The following SCN10A variants were observed in gnomAD, a reference collection of about 807,000 sequenced individuals.
The protein encoded by SCN10A is sodium voltage-gated channel alpha subunit 10, also known as sodium channel protein type 10 subunit alpha.
In SCN10A, 162 loss-of-function variants were observed where a neutral mutation model predicts 170.7. That is an observed-to-expected ratio of 0.95 (90% CI 0.84 to 1.08). The LOEUF is 1.08. SCN10A is among the 50% of genes least tolerant of loss of function. SCN10A has a pLI of 0.00. For synonymous variants in SCN10A, 985 were observed against 904.6 expected (o/e 1.09, Z -1.59); for missense variants, 2,527 against 2,436.9 (o/e 1.04, Z -0.78).
intron 1 of SCN10A, among the ~76,000 whole-genome samples, chr3:38,806,901 A>T (rs1345775844): frequency 6.6e-6 from 1 of 152,178 alleles, no homozygotes; most frequent in Non-Finnish European, 1.5e-5. Flanking sequence ...GCTGCCCCAA[A>T]TAAAAGTTTT....
At chr3:38,801,993 CTCA>C (rs1396786238) in intron 1 of SCN10A, among the ~76,000 whole-genome samples, 1 of 152,152 alleles carries the variant, frequency 6.6e-6, no homozygotes, top group African/African-American at 2.4e-5. Context: ...CTTCCATGAT[CTCA>C]TCATCTTCCT....
At position 38,742,347 on chromosome 3, in the gene SCN10A, T is replaced by C. The variant is rs934256008; in HGVS notation, c.2050A>G (p.Met684Val). 1 of 1,614,048 alleles carries C rather than the reference T, an allele frequency of 6.2e-7. No individual in the cohort carries two copies. The highest frequency in any genetic ancestry group is 1.3e-5 in the African/African-American group (1 of 75,004). ...GTAGGGCTCATGCCATGGTGCTCCA[T>C]GGCCATGAAGATGGTGTTCACCACG... ...CIVVNTIFMA[M>V]EHHGMSPTFE... The change falls in exon 14 of 28, where the codon ATG (methionine) becomes GTG (valine). Residue 684 changes from methionine (M) to valine (V), a missense_variant. Met to Val is a conservative substitution (Grantham distance 21). Coordinates refer to ENST00000449082, the MANE Select transcript of SCN10A (RefSeq NM_006514.4).
intron 1 of SCN10A, among the ~76,000 whole-genome samples, chr3:38,797,034 C>A (rs888150437): frequency 6.6e-6 from 1 of 151,890 alleles, no homozygotes; most frequent in Non-Finnish European, 1.5e-5. Context: ...AAAAATGCAG[C>A]AAAAATCACA....
chr3:38,748,198 T>A (rs750913756), intron 13 of SCN10A, among the ~76,000 whole-genome samples: 2 of 152,132 alleles, frequency 1.3e-5, no homozygotes, highest in Non-Finnish European at 2.9e-5. Flanking sequence ...CCAAGAAACC[T>A]ATCTGGCCAA....
intron 1 of SCN10A, among the ~76,000 whole-genome samples, chr3:38,812,986 T>C (rs749218977): frequency 7.4e-4 from 113 of 152,178 alleles, no homozygotes; most frequent in Middle Eastern, 6.8e-3. Flanking sequence ...TGAGCTGAGA[T>C]TGTGCCACTG....
chr3:38,787,177 T>G (rs1264261379), intron 4 of SCN10A, among the ~76,000 whole-genome samples: 1 of 152,130 alleles, frequency 6.6e-6, no homozygotes, highest in Non-Finnish European at 1.5e-5. Flanking sequence ...CCCCACTGAT[T>G]TGGTTTTCTT....
At position 38,724,691 on chromosome 3, in the gene SCN10A, G is replaced by A. The variant is rs543559797; in HGVS notation, c.3228+483C>T. Reference sequence around the variant, plus strand: ...CCTCCAACTCTTATTTGCTGGCTCTGAAAGATATTTGACTTTCTTTGTGCG... The same window carrying A: ...CCTCCAACTCTTATTTGCTGGCTCTAAAAGATATTTGACTTTCTTTGTGCG... On this transcript the variant is annotated intron_variant, in intron 18 of 27. Coordinates refer to ENST00000449082, the MANE Select transcript of SCN10A (RefSeq NM_006514.4). Among the ~76,000 whole-genome samples, 5 of 152,322 alleles carry A rather than the reference G, an allele frequency of 3.3e-5. No homozygotes were observed. In the South Asian group the frequency reaches 1.0e-3, roughly 32 times the overall value.
At chr3:38,806,805 A>G (rs74878558) in intron 1 of SCN10A, among the ~76,000 whole-genome samples, 1 of 133,894 alleles carries the variant, frequency 7.5e-6, no homozygotes, top group African/African-American at 3.5e-5. Flanking sequence ...AACATGTGAG[A>G]TCATTTGCAA....
chr3:38,775,050 C>T (rs1043320250), intron 4 of SCN10A, among the ~76,000 whole-genome samples: 2 of 152,086 alleles, frequency 1.3e-5, no homozygotes, highest in African/African-American at 4.8e-5. Context: ...CAATTTAACA[C>T]CTTTCCTCTT....
intron 20 of SCN10A, among the ~76,000 whole-genome samples, chr3:38,722,032 G>T (rs1018890833): frequency 6.6e-6 from 1 of 152,214 alleles, no homozygotes; most frequent in African/African-American, 2.4e-5. Context: ...TCACTCAAAT[G>T]CTTGCAGCCA....
At chr3:38,718,153 G>C (rs2063351752) in intron 21 of SCN10A, among the ~76,000 whole-genome samples, 1 of 152,210 alleles carries the variant, frequency 6.6e-6, no homozygotes, top group Non-Finnish European at 1.5e-5. Context: ...ACAGGTGCCT[G>C]GGCACCACCC....
At chr3:38,765,007 C>T (rs917402292) in intron 5 of SCN10A, among the ~76,000 whole-genome samples, 1 of 151,978 alleles carries the variant, frequency 6.6e-6, no homozygotes, top group African/African-American at 2.4e-5. Flanking sequence ...TATATATCTT[C>T]TTTTGAGAAT....
chr3:38,798,946 G>A (rs1037742064), intron 1 of SCN10A, among the ~76,000 whole-genome samples: 2 of 151,730 alleles, frequency 1.3e-5, no homozygotes, highest in African/African-American at 2.4e-5. Context: ...GTGCCACCAC[G>A]CCTGGCTAAT....
rs753826066 is a variant in SCN10A, at chr3:38,742,421, A to T, written c.1976T>A (p.Phe659Tyr). Reference sequence around the variant, plus strand: ...TGCAAAGGGATCCGTCACAAGCCCAAAGAGAATTGTCTTGAGCTTCACCCA... The same window carrying T: ...TGCAAAGGGATCCGTCACAAGCCCATAGAGAATTGTCTTGAGCTTCACCCA... ...PMWVKLKTIL[F>Y]GLVTDPFAEL... The change falls in exon 14 of 28, where the codon TTT becomes TAT. Residue 659 changes from phenylalanine (F) to tyrosine (Y), a missense_variant. Transcript: ENST00000449082. The T allele has an allele frequency of 6.2e-7, 1 of 1,614,170 alleles. No individual in the cohort carries two copies. The highest frequency in any genetic ancestry group is 2.2e-5 in the East Asian group (1 of 44,862).
intron 5 of SCN10A, among the ~76,000 whole-genome samples, chr3:38,769,236 A>ATTCT (rs1553622937): frequency 8.7e-5 from 3 of 34,652 alleles, no homozygotes; most frequent in Non-Finnish European, 2.0e-4. Context: ...AGCCTTCTGA[A>ATTCT]TTCTTTTTTT....
In SCN10A at chr3:38,709,464, T is replaced by C. The variant is rs1418123738; in HGVS notation, c.4281+14A>G. ...CACTACAGCAGAAACCAGAAACTCC[T>C]GAGCACCACTTATCTTTTTTTTCTG... On this transcript the variant is annotated intron_variant, in intron 25 of 27. Transcript: ENST00000449082. 1 of 1,600,718 alleles carries C rather than the reference T, an allele frequency of 6.2e-7. No homozygotes were observed.
At chr3:38,739,771 AT>A in intron 14 of SCN10A, 83 bp from the exon 15 acceptor site, 1 of 1,118,978 alleles carries the variant, frequency 8.9e-7, no homozygotes. Context: ...AAAATGTCTT[AT>A]TTACAAAATA....
intron 1 of SCN10A, among the ~76,000 whole-genome samples, chr3:38,801,641 C>G (rs2064371013): frequency 6.6e-6 from 1 of 151,832 alleles, no homozygotes; most frequent in South Asian, 2.1e-4. Flanking sequence ...CTGAGAACAG[C>G]CTTTTTGTCC....
At chr3:38,716,376 G>A (rs1177276116) in intron 21 of SCN10A, among the ~76,000 whole-genome samples, 2 of 152,084 alleles carry the variant, frequency 1.3e-5, no homozygotes, top group African/African-American at 2.4e-5. Context: ...TCATGATAGT[G>A]AATAAGTTTC....
Sources: gnomAD v4.1 joint callset for allele counts (sites outside exome capture counted in the v4.1 genomes callset) on GRCh38, gnomAD v4.1.1 for gene constraint, MANE v1.5 for transcripts, NCBI Gene and HGNC (gene_info 2026-07-23, HGNC 2026-07-21) for gene names.